FRMD4B: variants seen among roughly 807,000 people sequenced by gnomAD.
FRMD4B encodes FERM domain-containing protein 4B.
In FRMD4B, 74 loss-of-function variants were observed where a neutral mutation model predicts 141.5. The observed-to-expected ratio is 0.52, with a 90% CI of 0.43 to 0.63. The LOEUF (loss-of-function observed/expected upper bound fraction) is 0.63. Among genes scored for constraint, FRMD4B ranks in the 30% least tolerant of loss-of-function variants. The pLI is 0.00. For missense variants in FRMD4B, 1,366 were observed against 1,253.4 expected (o/e 1.09, Z -1.36); for synonymous variants, 506 against 467.9 (o/e 1.08, Z -1.05).
chr3:69,345,669 T>C (rs535131485), intron 1 of FRMD4B, among the ~76,000 whole-genome samples: 1 of 152,320 alleles, frequency 6.6e-6, no homozygotes, highest in African/African-American at 2.4e-5. Flanking sequence ...ACATTTGCTG[T>C]TGAGCAATAT....
In FRMD4B at chr3:69,230,356, A is replaced by G. The variant is rs953027183; in HGVS notation, c.582-5666T>C. Among the ~76,000 whole-genome samples the G allele has an allele frequency of 2.0e-4, 31 of 152,228 alleles. 1 individual carries two copies. The highest frequency in any genetic ancestry group is 2.6e-4 in the Admixed American group (4 of 15,276). On this transcript the variant is annotated intron_variant, in intron 7 of 22. Coordinates refer to ENST00000398540, the MANE Select transcript of FRMD4B (RefSeq NM_015123.3). Reference sequence around the variant, plus strand: ...TAGGAACTCTCATCCATTACTAGTAAGAGTGTCAATCGGTACAATCATTTT... The same window carrying G: ...TAGGAACTCTCATCCATTACTAGTAGGAGTGTCAATCGGTACAATCATTTT...
chr3:69,328,138 G>C (rs1233070315), intron 1 of FRMD4B, among the ~76,000 whole-genome samples: 1 of 152,180 alleles, frequency 6.6e-6, no homozygotes, highest in Non-Finnish European at 1.5e-5. Context: ...GGCCACTCAC[G>C]AAAGCCCACT....
Position 69,501,380 on chromosome 3 carries a change from C to G in FRMD4B, c.-129+40826G>C, listed in dbSNP as rs371942175. Reference sequence around the variant, plus strand: ...ATATATGTATTACCATATTAATATACAGTGTACAGTATAACACACTAGGTA... The same window carrying G: ...ATATATGTATTACCATATTAATATAGAGTGTACAGTATAACACACTAGGTA... On this transcript the variant is annotated intron_variant, in intron 1 of 5. Transcript: ENST00000459638. Among the ~76,000 whole-genome samples the G allele has an allele frequency of 3.8e-4, 58 of 152,138 alleles. 2 individuals are homozygous for G. The highest frequency in any genetic ancestry group is 1.1e-3 in the African/African-American group (46 of 41,492).
At chr3:69,332,365 A>G (rs141430979) in intron 1 of FRMD4B, among the ~76,000 whole-genome samples, 1 of 152,280 alleles carries the variant, frequency 6.6e-6, no homozygotes, top group African/African-American at 2.4e-5. Context: ...AATGTGCCAG[A>G]AATGTCATAC....
chr3:69,382,657 G>A (rs1272066893), intron 1 of FRMD4B, among the ~76,000 whole-genome samples: 1 of 151,320 alleles, frequency 6.6e-6, no homozygotes, highest in Admixed American at 6.6e-5. Flanking sequence ...CCCATACTCT[G>A]TGCCAATCAG....
chr3:69,187,001 A>C (rs2092775276), intron 19 of FRMD4B, among the ~76,000 whole-genome samples: 1 of 152,110 alleles, frequency 6.6e-6, no homozygotes, highest in African/African-American at 2.4e-5. Flanking sequence ...TATTTGAGAA[A>C]ATGCTTGGAT....
intron 1 of FRMD4B, among the ~76,000 whole-genome samples, chr3:69,345,438 G>A (rs1173261072): frequency 6.6e-6 from 1 of 152,252 alleles, no homozygotes; most frequent in Non-Finnish European, 1.5e-5. Context: ...AAAGGCAGCA[G>A]AAACCTCTAC....
intron 1 of FRMD4B, among the ~76,000 whole-genome samples, chr3:69,354,227 A>G (rs1423424443): frequency 1.3e-5 from 2 of 152,216 alleles, no homozygotes; most frequent in African/African-American, 4.8e-5. Context: ...CACTATTTGC[A>G]TTTAATGAAA....
chr3:69,407,293 T>C (rs1005722346), intron 2 of FRMD4B, among the ~76,000 whole-genome samples: 9 of 152,176 alleles, frequency 5.9e-5, no homozygotes, highest in Non-Finnish European at 4.4e-5. Flanking sequence ...GTAATGTAAG[T>C]GATTCCACCT....
chr3:69,195,930 C>T (rs1318653352), intron 14 of FRMD4B, among the ~76,000 whole-genome samples: 1 of 152,100 alleles, frequency 6.6e-6, no homozygotes, highest in African/African-American at 2.4e-5. Context: ...TTTTATATTG[C>T]ATGGAGAATT....
chr3:69,250,014 C>A, intron 6 of FRMD4B, 29 bp downstream of exon 6: 1 of 1,469,268 alleles, frequency 6.8e-7, no homozygotes. Flanking sequence ...CACAAGGGAG[C>A]TGCTAAGAGG....
chr3:69,343,405 CA>C (rs1433231753), intron 1 of FRMD4B, among the ~76,000 whole-genome samples: 1 of 152,068 alleles, frequency 6.6e-6, no homozygotes, highest in Non-Finnish European at 1.5e-5. Flanking sequence ...TAAAGCCTAT[CA>C]AAAACAGAAC....
intron 2 of FRMD4B, among the ~76,000 whole-genome samples, chr3:69,411,330 A>G (rs1186499347): frequency 6.6e-6 from 1 of 152,196 alleles, no homozygotes; most frequent in Non-Finnish European, 1.5e-5. Flanking sequence ...TTGTCCTGAG[A>G]GTATTTACAA....
At chr3:69,206,205 C>T (rs2093023021) in intron 11 of FRMD4B, among the ~76,000 whole-genome samples, 1 of 152,006 alleles carries the variant, frequency 6.6e-6, no homozygotes, top group Non-Finnish European at 1.5e-5. Flanking sequence ...CAAAAATTAG[C>T]CAGGCGTGGT....
At chr3:69,345,918 A>G (rs1702922664) in intron 1 of FRMD4B, among the ~76,000 whole-genome samples, 4 of 152,194 alleles carry the variant, frequency 2.6e-5, no homozygotes, top group Admixed American at 2.6e-4. Flanking sequence ...TCTAAAAAGC[A>G]GAGCGCCTCC....
At chr3:69,400,030 T>C (rs901881486) in intron 2 of FRMD4B, among the ~76,000 whole-genome samples, 2 of 152,272 alleles carry the variant, frequency 1.3e-5, no homozygotes, top group South Asian at 4.1e-4. Flanking sequence ...AACCTGTTAA[T>C]TGAGCAGATG....
chr3:69,475,124 T>A (rs1420323283), intron 1 of FRMD4B, among the ~76,000 whole-genome samples: 1 of 152,182 alleles, frequency 6.6e-6, no homozygotes, highest in Non-Finnish European at 1.5e-5. Context: ...CTTACCTCAC[T>A]AGTGCTGTTG....
At chr3:69,243,016 T>C (rs1462779047) in intron 7 of FRMD4B, among the ~76,000 whole-genome samples, 1 of 151,094 alleles carries the variant, frequency 6.6e-6, no homozygotes. Context: ...AAAAAAAGCT[T>C]TGCTTTTACA....
chr3:69,185,766 T>C (rs1483745311), intron 19 of FRMD4B, among the ~76,000 whole-genome samples: 3 of 152,056 alleles, frequency 2.0e-5, no homozygotes, highest in Non-Finnish European at 4.4e-5. Flanking sequence ...TAGCGGCCAG[T>C]TGTAGTGACT....
Sources: gnomAD v4.1 joint callset for allele counts (sites outside exome capture counted in the v4.1 genomes callset) on GRCh38, gnomAD v4.1.1 for gene constraint, MANE v1.5 for transcripts, NCBI Gene and HGNC (gene_info 2026-07-23, HGNC 2026-07-21) for gene names.